Variants in SPAG16 observed in about 807,000 individuals in gnomAD.
SPAG16 encodes sperm-associated antigen 16 protein.
Under a neutral mutation model 80.4 loss-of-function variants are expected in SPAG16, and 86 were observed. The observed-to-expected ratio is 1.07, with a 90% CI of 0.90 to 1.28. The LOEUF is 1.28. SPAG16 is among the 50% of genes most tolerant of loss of function. The probability of loss-of-function intolerance (pLI) is 0.00; values close to 1 mark genes in which losing one functional copy is unlikely to be tolerated. For missense variants in SPAG16, 870 were observed against 765.3 expected, an observed-to-expected ratio of 1.14 and a Z score of -1.61; for synonymous variants, 294 against 265.9, an observed-to-expected ratio of 1.11 and a Z score of -1.03.
chr2:214,368,329 A>G (rs1699611416), intron 15 of SPAG16, among the ~76,000 whole-genome samples: 1 of 151,982 alleles, frequency 6.6e-6, no homozygotes, highest in African/African-American at 2.4e-5. Flanking sequence ...CTTTTCTACT[A>G]TAATATCTCC....
chr2:214,298,500 GA>G (rs1694316261), intron 15 of SPAG16, among the ~76,000 whole-genome samples: 1 of 152,040 alleles, frequency 6.6e-6, no homozygotes, highest in South Asian at 2.1e-4. Flanking sequence ...TTGGTAAGTG[GA>G]ACCTAAAGGA....
chr2:214,004,848 C>G (rs1018010284), intron 12 of SPAG16, among the ~76,000 whole-genome samples: 1 of 151,944 alleles, frequency 6.6e-6, no homozygotes, highest in Non-Finnish European at 1.5e-5. Context: ...TTCCGAGGAG[C>G]CTGGCTAGCA....
intron 12 of SPAG16, among the ~76,000 whole-genome samples, chr2:213,968,409 T>C (rs956196191): frequency 6.6e-6 from 1 of 152,198 alleles, no homozygotes; most frequent in African/African-American, 2.4e-5. Context: ...GCCAGCCTGG[T>C]CTTGAACTCC....
intron 15 of SPAG16, among the ~76,000 whole-genome samples, chr2:214,300,392 G>C (rs1694461655): frequency 6.6e-6 from 1 of 152,110 alleles, no homozygotes; most frequent in South Asian, 2.1e-4. Flanking sequence ...TGGATGTTGG[G>C]TTAGCAATCC....
intron 13 of SPAG16, among the ~76,000 whole-genome samples, chr2:214,095,587 T>A (rs544125785): frequency 3.3e-5 from 5 of 152,226 alleles, no homozygotes; most frequent in African/African-American, 1.2e-4. Context: ...ATTTCAGGGT[T>A]TTTCCTTTCT....
At chr2:213,913,608 T>G (rs376058281) in intron 11 of SPAG16, among the ~76,000 whole-genome samples, 153 of 9,338 alleles carry the variant, frequency 0.016, 1 homozygote, top group East Asian at 0.06. Context: ...TATGTACATG[T>G]ACATATATGT....
chr2:213,706,732 G>GT (rs72079812), intron 10 of SPAG16, among the ~76,000 whole-genome samples: 146 of 151,958 alleles, frequency 9.6e-4, no homozygotes, highest in Middle Eastern at 3.4e-3. Context: ...AAAACTTTTT[G>GT]TTTTTTTTCC....
intron 9 of SPAG16, among the ~76,000 whole-genome samples, chr2:213,454,946 A>G (rs944552475): frequency 6.6e-6 from 1 of 152,168 alleles, no homozygotes; most frequent in Non-Finnish European, 1.5e-5. Context: ...TTTATATTCT[A>G]TATCCTATAG....
intron 11 of SPAG16, among the ~76,000 whole-genome samples, chr2:213,921,243 T>G (rs1474026374): frequency 6.6e-6 from 1 of 152,244 alleles, no homozygotes; most frequent in South Asian, 2.1e-4. Flanking sequence ...CTTGTTGAAT[T>G]GAAACTATTG....
At chr2:214,221,031 A>T (rs2058553802) in intron 15 of SPAG16, among the ~76,000 whole-genome samples, 1 of 152,120 alleles carries the variant, frequency 6.6e-6, no homozygotes, top group Non-Finnish European at 1.5e-5. Flanking sequence ...TGCTTTTGAT[A>T]ATTCTAACGG....
intron 9 of SPAG16, among the ~76,000 whole-genome samples, chr2:213,478,288 G>T (rs1410021394): frequency 6.6e-6 from 1 of 152,064 alleles, no homozygotes; most frequent in Admixed American, 6.6e-5. Flanking sequence ...TATTAAACAG[G>T]TACATTTAAA....
At chr2:214,095,676 C>A (rs1164279849) in intron 13 of SPAG16, among the ~76,000 whole-genome samples, 1 of 151,928 alleles carries the variant, frequency 6.6e-6, no homozygotes. Flanking sequence ...CTTGTATTGG[C>A]TTCATAATTT....
At chr2:213,787,771 C>A (rs1030905022) in intron 10 of SPAG16, among the ~76,000 whole-genome samples, 2 of 151,882 alleles carry the variant, frequency 1.3e-5, no homozygotes, top group South Asian at 4.2e-4. Context: ...TTAGGAGTGG[C>A]AGTTGATACA....
chr2:213,467,633 T>C (rs2072775021), intron 9 of SPAG16, among the ~76,000 whole-genome samples: 2 of 152,222 alleles, frequency 1.3e-5, no homozygotes, highest in Admixed American at 1.3e-4. Context: ...TTTCCTCTCT[T>C]CAACTTTCAG....
At chr2:213,295,983 CTA>C (rs2126069394) in intron 1 of SPAG16, 79 bp from the exon 2 acceptor site, 1 of 1,179,182 alleles carries the variant, frequency 8.5e-7, no homozygotes, top group East Asian at 2.4e-5. Flanking sequence ...GAATCCAATA[CTA>C]TATTTGAAGG....
chr2:214,264,039 A>C (rs1691368193), intron 15 of SPAG16, among the ~76,000 whole-genome samples: 1 of 152,216 alleles, frequency 6.6e-6, no homozygotes. Flanking sequence ...AATTATAAAC[A>C]AGAAACTGAA....
intron 11 of SPAG16, among the ~76,000 whole-genome samples, chr2:213,914,902 T>G (rs2077878318): frequency 1.3e-5 from 2 of 150,994 alleles, no homozygotes; most frequent in South Asian, 4.4e-4. Flanking sequence ...GTCAAACACA[T>G]AGTTTGTAAA....
At position 213,758,444 on chromosome 2, in the gene SPAG16, T is replaced by C. The variant is rs183833888; in HGVS notation, c.1071-104041T>C. ...ATGATCAAAGAACTACAGGAAGATA[T>C]AGAGAAAGTCAAGAAAATGATATAT... On this transcript the variant is annotated intron_variant, in intron 10 of 15. Coordinates refer to ENST00000331683, the MANE Select transcript of SPAG16 (RefSeq NM_024532.5). Among the ~76,000 whole-genome samples, 308 of 151,886 alleles carry C rather than the reference T, an allele frequency of 2.0e-3. 2 individuals carry two copies. The highest frequency in any genetic ancestry group is 6.9e-3 in the African/African-American group (286 of 41,458).
chr2:213,783,226 C>T (rs2070124847), intron 10 of SPAG16, among the ~76,000 whole-genome samples: 1 of 150,874 alleles, frequency 6.6e-6, no homozygotes, highest in Non-Finnish European at 1.5e-5. Flanking sequence ...AGGACATGAA[C>T]TCATCATTTT....
Sources: gnomAD v4.1 joint callset for allele counts (sites outside exome capture counted in the v4.1 genomes callset) on GRCh38, gnomAD v4.1.1 for gene constraint, MANE v1.5 for transcripts, NCBI Gene and HGNC (gene_info 2026-07-23, HGNC 2026-07-21) for gene names.